The following FOXP2 variants were observed in gnomAD, a reference collection of about 807,000 sequenced individuals.
The protein encoded by FOXP2 is forkhead box P2.
FOXP2 carries 12 observed loss-of-function variants against 115.8 expected under a neutral mutation model. That is an observed-to-expected ratio of 0.10 (90% CI 0.07 to 0.17). The LOEUF is 0.17. Among genes scored for constraint, FOXP2 ranks in the 10% least tolerant of loss-of-function variants. The pLI is 1.00. For missense variants in FOXP2, 629 were observed against 843.5 expected (o/e 0.75, Z 3.15); for synonymous variants, 328 against 297.7 (o/e 1.10, Z -1.05).
intron 1 of FOXP2, among the ~76,000 whole-genome samples, chr7:114,210,361 T>G (rs531305122): frequency 7.2e-5 from 11 of 152,220 alleles, no homozygotes; most frequent in Non-Finnish European, 1.3e-4. Flanking sequence ...TCTTGTTTTA[T>G]GCCTGATTTT....
intron 1 of FOXP2, among the ~76,000 whole-genome samples, chr7:114,177,528 T>C (rs1793347533): frequency 6.6e-6 from 1 of 152,138 alleles, no homozygotes; most frequent in Admixed American, 6.5e-5. Context: ...TTTGATTGCT[T>C]TCCATTTTTT....
intron 2 of FOXP2, among the ~76,000 whole-genome samples, chr7:114,473,945 C>A (rs866070056): frequency 2.0e-5 from 3 of 152,214 alleles, no homozygotes; most frequent in South Asian, 2.1e-4. Flanking sequence ...CCATTGCCAT[C>A]TTTTTCTTTA....
intron 1 of FOXP2, among the ~76,000 whole-genome samples, chr7:114,240,080 A>G (rs1795112403): frequency 6.6e-6 from 1 of 152,158 alleles, no homozygotes; most frequent in Admixed American, 6.5e-5. Flanking sequence ...TTCCTCATAA[A>G]ATATTCACGT....
rs541158746 is a variant in FOXP2, at chr7:114,657,941, T to G, written c.1267-125T>G. 7.2e-6 allele frequency: 7 copies of G among 971,760 alleles called. No individual in the cohort carries two copies. In the African/African-American group the frequency reaches 8.0e-5, roughly 11 times the overall value. 60.2% of individuals were successfully genotyped at this position (971,760 alleles called of 1,614,324 possible). A position where few individuals can be genotyped will look rare whatever the true frequency, so the allele number is the denominator to read the frequency against. On this transcript the variant is annotated intron_variant, in intron 10 of 16. Coordinates refer to ENST00000350908, the MANE Select transcript of FOXP2 (RefSeq NM_014491.4). Reference sequence around the variant, plus strand: ...CCTGTAATTAGTTGAGATTGGCTGCTTCCTTTTGCAGCTTATTAGTGGCAA... The same window carrying G: ...CCTGTAATTAGTTGAGATTGGCTGCGTCCTTTTGCAGCTTATTAGTGGCAA...
At chr7:114,326,962 T>C (rs1797569295) in intron 2 of FOXP2, among the ~76,000 whole-genome samples, 2 of 152,184 alleles carry the variant, frequency 1.3e-5, no homozygotes, top group Non-Finnish European at 2.9e-5. Context: ...CTCAAGGGCT[T>C]TACATAGGAT....
intron 1 of FOXP2, among the ~76,000 whole-genome samples, chr7:114,219,854 T>C (rs1794577137): frequency 6.6e-6 from 1 of 151,614 alleles, no homozygotes; most frequent in Non-Finnish European, 1.5e-5. Context: ...GTTTTTTTTT[T>C]GTTTGTTTGT....
intron 2 of FOXP2, among the ~76,000 whole-genome samples, chr7:114,510,929 A>G (rs1047040315): frequency 2.0e-5 from 3 of 152,224 alleles, no homozygotes; most frequent in Non-Finnish European, 4.4e-5. Flanking sequence ...AGCACTGTTC[A>G]CAATAGCAAA....
chr7:114,509,093 T>G (rs1016942730), intron 2 of FOXP2, among the ~76,000 whole-genome samples: 3 of 152,056 alleles, frequency 2.0e-5, no homozygotes, highest in African/African-American at 4.8e-5. Context: ...ATTTGAGGTT[T>G]AGCAAGGATA....
intron 2 of FOXP2, among the ~76,000 whole-genome samples, chr7:114,338,748 TCA>T (rs56411270): frequency 0.012 from 1,779 of 146,584 alleles, 15 homozygotes; most frequent in African/African-American, 0.028. Context: ...GTCAAGATGT[TCA>T]CACACACACA....
At chr7:114,252,124 C>T (rs1337830702) in intron 1 of FOXP2, among the ~76,000 whole-genome samples, 1 of 152,212 alleles carries the variant, frequency 6.6e-6, no homozygotes, top group Non-Finnish European at 1.5e-5. Flanking sequence ...ACCAGCCTTG[C>T]ATCCCAGGGA....
At chr7:114,462,624 G>A (rs1244976973) in intron 2 of FOXP2, among the ~76,000 whole-genome samples, 1 of 152,084 alleles carries the variant, frequency 6.6e-6, no homozygotes, top group Non-Finnish European at 1.5e-5. Context: ...GCCCGCCTCA[G>A]CCTCCCAAAG....
chr7:114,205,467 G>A (rs903328783), intron 1 of FOXP2, among the ~76,000 whole-genome samples: 1 of 152,084 alleles, frequency 6.6e-6, no homozygotes, highest in South Asian at 2.1e-4. Context: ...CACTACATTG[G>A]TAAGGATTTT....
intron 2 of FOXP2, among the ~76,000 whole-genome samples, chr7:114,373,775 C>T (rs901613089): frequency 6.6e-6 from 1 of 152,176 alleles, no homozygotes; most frequent in Non-Finnish European, 1.5e-5. Flanking sequence ...ATACATTTCT[C>T]ATTTATGCTT....
At chr7:114,568,846 C>G (rs1272057463) in intron 3 of FOXP2, among the ~76,000 whole-genome samples, 1 of 151,702 alleles carries the variant, frequency 6.6e-6, no homozygotes, top group Non-Finnish European at 1.5e-5. Flanking sequence ...TGTTTATGTA[C>G]TCCTCCAGGA....
intron 1 of FOXP2, among the ~76,000 whole-genome samples, chr7:114,242,240 A>G (rs1795174665): frequency 6.6e-6 from 1 of 151,996 alleles, no homozygotes; most frequent in Non-Finnish European, 1.5e-5. Context: ...TGTGACTTAT[A>G]TGAAAGATGT....
chr7:114,387,462 G>A (rs1792481679), intron 2 of FOXP2, among the ~76,000 whole-genome samples: 1 of 152,104 alleles, frequency 6.6e-6, no homozygotes, highest in Non-Finnish European at 1.5e-5. Flanking sequence ...TCTCCCAAAG[G>A]AAAACACATG....
chr7:114,298,077 G>C (rs989916161), intron 2 of FOXP2, among the ~76,000 whole-genome samples: 1 of 152,104 alleles, frequency 6.6e-6, no homozygotes, highest in African/African-American at 2.4e-5. Context: ...TTTTGAGTGT[G>C]AACTTGCCCT....
intron 2 of FOXP2, among the ~76,000 whole-genome samples, chr7:114,524,378 T>C (rs1321562548): frequency 6.6e-6 from 1 of 152,200 alleles, no homozygotes. Context: ...GCAATGCTGT[T>C]AATAACTCAG....
chr7:114,314,262 TTATATATAA>T lies in FOXP2; in HGVS notation c.-11+26168_-11+26176del, dbSNP rs565190512. 7.7e-3 allele frequency among the ~76,000 whole-genome samples: 1,146 copies of T among 149,218 alleles called. 14 individuals are homozygous for T. Among genetic ancestry groups the T allele is most frequent in the African/African-American group, 0.026 (1,070 of 40,998 alleles). On this transcript the variant is annotated intron_variant, in intron 2 of 17. Transcript: ENST00000634411. ...ATTTATATTATTTTATTGTTATGTTTTATATATAATATATATAATATATGAAACTGTTTC... is the reference window on the plus strand; with the variant it reads ...ATTTATATTATTTTATTGTTATGTTTTATATATAATATATGAAACTGTTTC...
Sources: gnomAD v4.1 joint callset for allele counts (sites outside exome capture counted in the v4.1 genomes callset) on GRCh38, gnomAD v4.1.1 for gene constraint, MANE v1.5 for transcripts, NCBI Gene and HGNC (gene_info 2026-07-23, HGNC 2026-07-21) for gene names.